Variants in ARB2A observed in about 807,000 individuals in gnomAD.
ARB2A encodes ARB2 cotranscriptional regulator A.
At chr5:93,811,316 A>G in the ARB2A span, among the ~76,000 whole-genome samples, 3 of 152,178 alleles carry the variant, frequency 2.0e-5, no homozygotes, top group African/African-American at 7.2e-5. Context: ...AAACATATTC[A>G]AAATTTAAAT....
chr5:93,766,458 T>A, the ARB2A span, among the ~76,000 whole-genome samples: 1 of 152,098 alleles, frequency 6.6e-6, no homozygotes, highest in African/African-American at 2.4e-5. Flanking sequence ...TCACTGGCCA[T>A]CAGAGAAATG....
the ARB2A span, among the ~76,000 whole-genome samples, chr5:93,894,928 A>C: frequency 6.6e-6 from 1 of 152,198 alleles, no homozygotes; most frequent in African/African-American, 2.4e-5. Context: ...GGTGCCACCT[A>C]TCTGCAGATT....
the ARB2A span, among the ~76,000 whole-genome samples, chr5:93,638,344 C>G: frequency 6.6e-6 from 1 of 152,174 alleles, no homozygotes; most frequent in Admixed American, 6.5e-5. Context: ...ATCTTGCTGG[C>G]ACTTTGACAG....
At chr5:93,690,608 G>C in the ARB2A span, among the ~76,000 whole-genome samples, 1 of 152,164 alleles carries the variant, frequency 6.6e-6, no homozygotes, top group Admixed American at 6.5e-5. Context: ...CCTGGGGGAA[G>C]GGGTGGCTGT....
chr5:93,867,800 A>G, the ARB2A span, among the ~76,000 whole-genome samples: 1 of 152,094 alleles, frequency 6.6e-6, no homozygotes, highest in African/African-American at 2.4e-5. Context: ...TTGTTTTCAT[A>G]TGTTCCCTAA....
the ARB2A span, among the ~76,000 whole-genome samples, chr5:93,829,331 T>C: frequency 6.6e-6 from 1 of 152,128 alleles, no homozygotes; most frequent in Non-Finnish European, 1.5e-5. Context: ...GGTTACTGCA[T>C]TTGTCCAGAT....
At chr5:93,633,806 C>T in the ARB2A span, among the ~76,000 whole-genome samples, 2 of 152,040 alleles carry the variant, frequency 1.3e-5, no homozygotes, top group African/African-American at 4.8e-5. Flanking sequence ...GACAAATCTA[C>T]CCTGTCTATA....
the ARB2A span, among the ~76,000 whole-genome samples, chr5:93,793,705 C>T: frequency 6.6e-6 from 1 of 151,954 alleles, no homozygotes; most frequent in African/African-American, 2.4e-5. Context: ...GGTTGGTTCC[C>T]TAGGAAAGAC....
chr5:93,659,162 C>G, the ARB2A span, among the ~76,000 whole-genome samples: 1 of 151,932 alleles, frequency 6.6e-6, no homozygotes, highest in Non-Finnish European at 1.5e-5. Flanking sequence ...ATTTCAACTA[C>G]CTTTAGCTCC....
the ARB2A span, among the ~76,000 whole-genome samples, chr5:93,857,166 G>A: frequency 2.0e-5 from 3 of 152,256 alleles, no homozygotes; most frequent in African/African-American, 7.2e-5. Flanking sequence ...GGAGTACCCG[G>A]CTGTGTGAGG....
At chr5:94,054,969 C>T in the ARB2A span, among the ~76,000 whole-genome samples, 2 of 152,066 alleles carry the variant, frequency 1.3e-5, no homozygotes, top group South Asian at 4.1e-4. Flanking sequence ...TTTTGCTTTT[C>T]ATGCACTTCC....
At chr5:93,997,998 T>TACAC in the ARB2A span, among the ~76,000 whole-genome samples, 19 of 150,000 alleles carry the variant, frequency 1.3e-4, no homozygotes, top group Middle Eastern at 3.4e-3. Flanking sequence ...TGTGTGTCTA[T>TACAC]ACACACACAC....
the ARB2A span, chr5:93,910,761 T>A: frequency 6.6e-6 from 1 of 151,432 alleles, no homozygotes; most frequent in South Asian, 2.1e-4. Context: ...AAAATACAGT[T>A]AACATTTTAA....
chr5:94,081,484 A>G, the ARB2A span, among the ~76,000 whole-genome samples: 1 of 152,248 alleles, frequency 6.6e-6, no homozygotes, highest in African/African-American at 2.4e-5. Context: ...GTATATCCAT[A>G]CAATAGGATA....
chr5:93,939,640 A>G, the ARB2A span, among the ~76,000 whole-genome samples: 2 of 152,230 alleles, frequency 1.3e-5, no homozygotes, highest in South Asian at 2.1e-4. Context: ...AGAAATATTC[A>G]TATCATTTAT....
the ARB2A span, among the ~76,000 whole-genome samples, chr5:93,838,216 T>C: frequency 3.9e-5 from 6 of 152,212 alleles, no homozygotes; most frequent in South Asian, 1.2e-3. Context: ...CTTCTGCATA[T>C]GGCTAGCTAG....
chr5:93,683,528 G>C, the ARB2A span: 2 of 1,525,050 alleles, frequency 1.3e-6, no homozygotes, highest in Non-Finnish European at 1.8e-6. Context: ...GTAATTCATG[G>C]CCTCTGCTTC....
At chr5:93,775,535 A>G in the ARB2A span, among the ~76,000 whole-genome samples, 3 of 152,198 alleles carry the variant, frequency 2.0e-5, no homozygotes, top group South Asian at 2.1e-4. Context: ...TAAACTTCCT[A>G]GAGCCCAACT....
the ARB2A span, among the ~76,000 whole-genome samples, chr5:94,063,564 C>G: frequency 6.6e-6 from 1 of 152,112 alleles, no homozygotes; most frequent in Non-Finnish European, 1.5e-5. Flanking sequence ...CAATCAACTG[C>G]AATAGACTAC....
Sources: allele counts gnomAD v4.1 joint callset (sites outside exome capture counted in the v4.1 genomes callset), GRCh38; gene constraint gnomAD v4.1.1; transcripts MANE v1.5; gene names NCBI Gene and HGNC (gene_info 2026-07-23, HGNC 2026-07-21).